The following SMC4 variants were observed in gnomAD, a reference collection of about 807,000 sequenced individuals.
SMC4 encodes the protein structural maintenance of chromosomes protein 4.
In SMC4, 87 loss-of-function variants were observed where a neutral mutation model predicts 145.6. The observed-to-expected ratio is 0.60, with a 90% confidence interval of 0.50 to 0.71. The LOEUF is 0.71. SMC4 is among the 30% of genes least tolerant of loss of function. The pLI, the probability that SMC4 is intolerant of heterozygous loss-of-function variation, is 0.00. For missense variants in SMC4, 1,447 were observed against 1,537.1 expected (o/e 0.94, Z 0.98); for synonymous variants, 558 against 500.7 (o/e 1.11, Z -1.53).
chr3:160,424,436 C>G (rs528158175), intron 15 of SMC4, among the ~76,000 whole-genome samples: 41 of 152,256 alleles, frequency 2.7e-4, no homozygotes, highest in African/African-American at 9.9e-4. Flanking sequence ...ATTTTCTGAT[C>G]AAGAAATTAC....
rs756560557 is a variant in SMC4, at chr3:160,402,875, A to AT, written c.510+13dup. 1.0e-4 allele frequency: 157 copies of AT among 1,534,870 alleles called. No homozygotes were observed. The highest frequency in any genetic ancestry group is 1.3e-4 in the Non-Finnish European group (153 of 1,147,960). On this transcript the variant is annotated intron_variant, in intron 4 of 23. Transcript: ENST00000357388. ...CAAAAGATAATTGATAAGGTAAGGGATTTTTACTGTTATTGGCAAGTTCAA... is the reference window on the plus strand; with the variant it reads ...CAAAAGATAATTGATAAGGTAAGGGATTTTTTACTGTTATTGGCAAGTTCAA...
chr3:160,433,037 C>T lies in SMC4; in HGVS notation c.3542C>T (p.Pro1181Leu). Residue 1181 changes from proline to leucine, a missense_variant, in exon 23 of 24, where the codon CCT (proline) becomes CTT (leucine). Pro to Leu is a moderately conservative substitution (Grantham distance 98). Transcript: ENST00000357388. Reference sequence around the variant, plus strand: ...CTTAATCATTTCAGTGTTCGACCACCTAAGAAAAGTTGGAAAAAGATCTTC... The same window carrying T: ...CTTAATCATTTCAGTGTTCGACCACTTAAGAAAAGTTGGAAAAAGATCTTC... Reference protein sequence around the residue: ...SEGIMFSVRPPKKSWKKIFNL... With the variant: ...SEGIMFSVRPLKKSWKKIFNL... The T allele has an allele frequency of 6.2e-7, 1 of 1,611,598 alleles. No individual in the cohort carries two copies. Among genetic ancestry groups the T allele is most frequent in the South Asian group, 1.1e-5 (1 of 90,890 alleles).
At chr3:160,407,649 C>A (rs1282057996) in intron 5 of SMC4, among the ~76,000 whole-genome samples, 1 of 150,540 alleles carries the variant, frequency 6.6e-6, no homozygotes, top group Non-Finnish European at 1.5e-5. Flanking sequence ...GCCATCTGTT[C>A]TTTTTTCCAA....
chr3:160,429,086 A>G (rs891657870), intron 18 of SMC4, 144 bp downstream of exon 18: 2 of 666,524 alleles, frequency 3.0e-6, no homozygotes, highest in Non-Finnish European at 2.4e-6. Context: ...TGGGACTTCC[A>G]TGACGGAAAA....
intron 5 of SMC4, among the ~76,000 whole-genome samples, chr3:160,409,891 A>G (rs536459869): frequency 1.1e-4 from 17 of 152,232 alleles, no homozygotes; most frequent in African/African-American, 4.1e-4. Flanking sequence ...ACATAGAGGG[A>G]CCACCATGTG....
chr3:160,420,573 T>A, intron 12 of SMC4, 167 bp from the exon 13 acceptor site: 1 of 548,314 alleles, frequency 1.8e-6, no homozygotes, highest in Non-Finnish European at 3.1e-6. Context: ...AAGCTGCATA[T>A]TCATAAACTT....
At chr3:160,428,728 T>C (rs1718060976) in intron 17 of SMC4, 25 bp from the exon 18 acceptor site, 6 of 1,555,218 alleles carry the variant, frequency 3.9e-6, no homozygotes, top group Non-Finnish European at 5.2e-6. Flanking sequence ...AAACACAAAT[T>C]AGGTTCTTTA....
At chr3:160,429,178 C>T (rs1025327489) in intron 18 of SMC4, among the ~76,000 whole-genome samples, 1 of 152,024 alleles carries the variant, frequency 6.6e-6, no homozygotes, top group Non-Finnish European at 1.5e-5. Context: ...TAGACTGTAA[C>T]TCCCCAGTTG....
At chr3:160,431,305 T>C in intron 20 of SMC4, 100 bp downstream of exon 20, 1 of 948,456 alleles carries the variant, frequency 1.1e-6, no homozygotes, top group Admixed American at 3.3e-5. Context: ...TTAAATTTTG[T>C]TTGTGAGCTA....
At chr3:160,417,604 C>A in intron 10 of SMC4, 119 bp from the exon 11 acceptor site, 1 of 810,432 alleles carries the variant, frequency 1.2e-6, no homozygotes, top group Non-Finnish European at 2.0e-6. Context: ...TTTCTTATTT[C>A]TATATACTGT....
At chr3:160,431,352 T>G (rs1157255220) in intron 20 of SMC4, 147 bp downstream of exon 20, 1 of 695,128 alleles carries the variant, frequency 1.4e-6, no homozygotes, top group South Asian at 2.2e-5. Context: ...CTTCTAAGGT[T>G]TATAGGGGAC....
chr3:160,412,653 G>A, intron 7 of SMC4, 200 bp downstream of exon 7: 15 of 1,094,772 alleles, frequency 1.4e-5, no homozygotes, highest in Non-Finnish European at 1.7e-5. Flanking sequence ...CTTGAGGCTG[G>A]GAGTTCAAGA....
At position 160,423,537 on chromosome 3, in the gene SMC4, C is replaced by G; in HGVS notation, c.2132C>G (p.Ala711Gly). Residue 711 changes from alanine to glycine, a missense_variant, in exon 14 of 24, where the codon GCT becomes GGT. Coordinates refer to ENST00000357388, the MANE Select transcript of SMC4 (RefSeq NM_001002800.3). Reference sequence around the variant, plus strand: ...AAAATTCGCCAAGCTTTTTATTTTGCTTTACGAGATACCTTAGTAGCTGAC... The same window carrying G: ...AAAATTCGCCAAGCTTTTTATTTTGGTTTACGAGATACCTTAGTAGCTGAC... Reference protein sequence around the residue: ...DEKIRQAFYFALRDTLVADNL... With the variant: ...DEKIRQAFYFGLRDTLVADNL... The G allele has an allele frequency of 2.5e-6, 4 of 1,613,594 alleles. No homozygotes were observed. Among genetic ancestry groups the G allele is most frequent in the Non-Finnish European group, 3.4e-6 (4 of 1,179,774 alleles).
In SMC4 at chr3:160,433,677, G is replaced by C; in HGVS notation, c.3735G>C (p.Gln1245His). Residue 1245 changes from glutamine (Q) to histidine (H), a missense_variant, in exon 24 of 24, where the codon CAG becomes CAC. Gln to His is a conservative substitution (Grantham distance 24, BLOSUM62 0). Coordinates refer to ENST00000357388, the MANE Select transcript of SMC4 (RefSeq NM_001002800.3). ...FYIYEQTKNAQFIIISLRNNM... is the reference protein window; with the variant it reads ...FYIYEQTKNAHFIIISLRNNM... ...TTTAGGAACAAACAAAAAATGCACA[G>C]TTCATAATAATTTCTCTTCGAAATA... is the stretch of plus-strand genomic sequence containing the variant. 1 of 1,574,198 alleles carries C rather than the reference G, an allele frequency of 6.4e-7. No homozygotes were observed. The highest frequency in any genetic ancestry group is 8.6e-7 in the Non-Finnish European group (1 of 1,159,102).
chr3:160,425,359 T>A (rs557717068), intron 16 of SMC4, among the ~76,000 whole-genome samples: 4 of 152,328 alleles, frequency 2.6e-5, no homozygotes, highest in East Asian at 1.9e-4. Context: ...ACTGTTTTTT[T>A]AATAAGTTTC....
chr3:160,416,954 G>A (rs546611622), intron 10 of SMC4, among the ~76,000 whole-genome samples: 58 of 152,038 alleles, frequency 3.8e-4, no homozygotes, highest in Non-Finnish European at 6.3e-4. Flanking sequence ...TCTATATAAC[G>A]TACTGAGAAA....
Position 160,430,738 on chromosome 3 carries a change from G to A in SMC4, c.2935G>A (p.Ala979Thr). The change falls in exon 19 of 24, where the codon GCA becomes ACA. Residue 979 changes from alanine to threonine, a missense_variant. Coordinates refer to ENST00000357388, the MANE Select transcript of SMC4 (RefSeq NM_001002800.3). Reference sequence around the variant, plus strand: ...AGAGGTCGTAAAGAATACAAATGCTGCAGAGGTATGAGTTGCTTTGTATTG... The same window carrying A: ...AGAGGTCGTAAAGAATACAAATGCTACAGAGGTATGAGTTGCTTTGTATTG... Reference protein sequence around the residue: ...AAEVVKNTNAAEESLPEIQKE... With the variant: ...AAEVVKNTNATEESLPEIQKE... 1 of 1,610,204 alleles carries A rather than the reference G, an allele frequency of 6.2e-7. No individual in the cohort carries two copies. Among genetic ancestry groups the A allele is most frequent in the Non-Finnish European group, 8.5e-7 (1 of 1,178,910 alleles).
Position 160,413,608 on chromosome 3 carries a change from A to G in SMC4, c.1116A>G (p.Thr372=), listed in dbSNP as rs764962737. ...CTAAGAATAAAGATGTAAAAGATAC[A>G]GAAAAGTAATAATATTTTGGGAAGT... is the stretch of plus-strand genomic sequence containing the variant. ...MKAKNKDVKD[T]EKKLNKITKF... is the part of the protein sequence containing the mutation. The change falls in exon 8 of 24, where the codon ACA becomes ACG. Residue 372 remains threonine, a synonymous_variant. Transcript: ENST00000357388. 7.3e-7 allele frequency: 1 copy of G among 1,367,774 alleles called. No individual in the cohort carries two copies. The highest frequency in any genetic ancestry group is 1.3e-5 in the South Asian group (1 of 78,160). 84.7% of individuals were successfully genotyped at this position (1,367,774 alleles called of 1,614,324 possible). A position where few individuals can be genotyped will look rare whatever the true frequency, so the allele number is the denominator to read the frequency against.
At chr3:160,408,437 A>AT (rs1359108075) in intron 5 of SMC4, among the ~76,000 whole-genome samples, 1 of 152,214 alleles carries the variant, frequency 6.6e-6, no homozygotes, top group Admixed American at 6.5e-5. Context: ...GGGAAAAATC[A>AT]TTTAAGACCT....
Sources: allele counts gnomAD v4.1 joint callset (sites outside exome capture counted in the v4.1 genomes callset), GRCh38; gene constraint gnomAD v4.1.1; transcripts MANE v1.5; gene names NCBI Gene and HGNC (gene_info 2026-07-23, HGNC 2026-07-21).